PLCB4: variants seen among roughly 807,000 people sequenced by gnomAD.
The protein encoded by PLCB4 is phospholipase C beta 4, also known as 1-phosphatidylinositol 4,5-bisphosphate phosphodiesterase beta-4.
PLCB4 carries 77 observed loss-of-function variants against 178.8 expected under a neutral mutation model. The ratio of observed to expected loss-of-function variants is 0.43; its 90% confidence interval spans 0.36 to 0.52. The LOEUF (loss-of-function observed/expected upper bound fraction) is 0.52. PLCB4 is among the 20% of genes least tolerant of loss of function. The probability of loss-of-function intolerance (pLI) is 0.00; values close to 1 mark genes in which losing one functional copy is unlikely to be tolerated. For synonymous variants in PLCB4, 496 were observed against 490.8 expected, an observed-to-expected ratio of 1.01 and a Z score of -0.14; for missense variants, 1,024 against 1,453.4, an observed-to-expected ratio of 0.70 and a Z score of 4.80.
chr20:9,195,284 C>G (rs2093457684), intron 2 of PLCB4, among the ~76,000 whole-genome samples: 1 of 152,192 alleles, frequency 6.6e-6, no homozygotes, highest in African/African-American at 2.4e-5. Context: ...CAACAAGCAT[C>G]CAGATGATGC....
At chr20:9,194,713 A>T (rs903945356) in intron 2 of PLCB4, among the ~76,000 whole-genome samples, 81 of 150,644 alleles carry the variant, frequency 5.4e-4, no homozygotes, top group African/African-American at 1.7e-3. Flanking sequence ...AAAAAAAAAA[A>T]AAGAACCTTT....
chr20:9,341,794 T>C (rs1167912800), intron 7 of PLCB4, among the ~76,000 whole-genome samples: 2 of 152,124 alleles, frequency 1.3e-5, no homozygotes, highest in African/African-American at 4.8e-5. Context: ...TTGAAGGTTT[T>C]CTCCTAGTAT....
intron 28 of PLCB4, among the ~76,000 whole-genome samples, chr20:9,434,726 T>C (rs1026958407): frequency 4.7e-5 from 7 of 149,802 alleles, no homozygotes; most frequent in Non-Finnish European, 8.9e-5. Context: ...GAAAAAAAAA[T>C]TGAAACCTAG....
intron 2 of PLCB4, among the ~76,000 whole-genome samples, chr20:9,172,366 A>G (rs1306361315): frequency 6.6e-6 from 1 of 152,116 alleles, no homozygotes; most frequent in Non-Finnish European, 1.5e-5. Flanking sequence ...CATCCTACCT[A>G]TCCTTGAAAG....
intron 32 of PLCB4, among the ~76,000 whole-genome samples, chr20:9,449,367 T>A (rs6039473): frequency 0.22 from 33,088 of 151,676 alleles, 4,098 homozygotes; most frequent in East Asian, 0.36. Context: ...GCCTATGGGG[T>A]CCAAGCAGGA....
chr20:9,107,762 T>G (rs1224816129), intron 2 of PLCB4, among the ~76,000 whole-genome samples: 1 of 152,120 alleles, frequency 6.6e-6, no homozygotes, highest in African/African-American at 2.4e-5. Context: ...GGGATGTTAC[T>G]TTTGAGAAGA....
At chr20:9,108,638 C>CTT (rs908679641) in intron 2 of PLCB4, among the ~76,000 whole-genome samples, 1 of 141,450 alleles carries the variant, frequency 7.1e-6, no homozygotes, top group Non-Finnish European at 1.5e-5. Context: ...ACAAGATCTT[C>CTT]TTTTTTTTTT....
intron 3 of PLCB4, among the ~76,000 whole-genome samples, chr20:9,270,418 G>T (rs117004147): frequency 6.6e-6 from 1 of 152,100 alleles, no homozygotes; most frequent in African/African-American, 2.4e-5. Context: ...GAATGTCATG[G>T]AAAGGTAATC....
In PLCB4 at chr20:9,309,746, T is replaced by C. The variant is rs1020726653; in HGVS notation, c.84+1848T>C. Among the ~76,000 whole-genome samples, 4 of 152,230 alleles carry C rather than the reference T, an allele frequency of 2.6e-5. No homozygotes were observed. In the South Asian group the frequency reaches 6.2e-4, roughly 24 times the overall value. On this transcript the variant is annotated intron_variant, in intron 4 of 39. Transcript: ENST00000378473. ...AAGAAAAAGCTATTGGAGAAAAAAGTACTTGACAACAGTGAAATGTGATTT... is the reference window on the plus strand; with the variant it reads ...AAGAAAAAGCTATTGGAGAAAAAAGCACTTGACAACAGTGAAATGTGATTT...
At chr20:9,374,614 T>A (rs2036518214) in intron 12 of PLCB4, among the ~76,000 whole-genome samples, 1 of 152,152 alleles carries the variant, frequency 6.6e-6, no homozygotes, top group Non-Finnish European at 1.5e-5. Flanking sequence ...GCCTCTTGTG[T>A]TCTTTGGGAT....
intron 2 of PLCB4, among the ~76,000 whole-genome samples, chr20:9,108,441 C>T (rs1182940485): frequency 6.6e-6 from 1 of 151,940 alleles, no homozygotes; most frequent in African/African-American, 2.4e-5. Context: ...CTGAGTGTTT[C>T]AAGGAGGGAG....
chr20:9,172,618 TCGC>T (rs71967948), intron 2 of PLCB4, among the ~76,000 whole-genome samples: 30,134 of 152,090 alleles, frequency 0.2, 3,066 homozygotes, highest in African/African-American at 0.25. Flanking sequence ...GCATTTCCAT[TCGC>T]ATTTCCTTTT....
intron 3 of PLCB4, among the ~76,000 whole-genome samples, chr20:9,262,276 G>C (rs993263885): frequency 1.3e-5 from 2 of 152,132 alleles, no homozygotes; most frequent in African/African-American, 4.8e-5. Flanking sequence ...AGCTCAACAT[G>C]AGAGAATAGA....
chr20:9,293,692 G>A (rs1004554301), intron 3 of PLCB4, among the ~76,000 whole-genome samples: 9 of 152,048 alleles, frequency 5.9e-5, no homozygotes, highest in Admixed American at 2.0e-4. Context: ...TAGCAAGCAA[G>A]GCCCCAGCCT....
chr20:9,330,757 G>C (rs2031525979), intron 4 of PLCB4, among the ~76,000 whole-genome samples: 2 of 152,220 alleles, frequency 1.3e-5, no homozygotes, highest in African/African-American at 2.4e-5. Context: ...GGCTCATGGT[G>C]AACGTATTGG....
At chr20:9,197,981 T>TAA (rs1404156591) in intron 2 of PLCB4, among the ~76,000 whole-genome samples, 1 of 148,934 alleles carries the variant, frequency 6.7e-6, no homozygotes, top group Non-Finnish European at 1.5e-5. Flanking sequence ...ATCTCAAAAA[T>TAA]AAAAAAATAA....
chr20:9,109,183 T>C (rs890633398), intron 2 of PLCB4, among the ~76,000 whole-genome samples: 1 of 152,192 alleles, frequency 6.6e-6, no homozygotes, highest in Non-Finnish European at 1.5e-5. Context: ...GTCTAAAGTA[T>C]TGAACATTTA....
chr20:9,151,197 T>TTATA (rs1173550007), intron 2 of PLCB4, among the ~76,000 whole-genome samples: 1 of 152,140 alleles, frequency 6.6e-6, no homozygotes, highest in Non-Finnish European at 1.5e-5. Context: ...GTATTGGGTA[T>TTATA]TATAAGTACT....
intron 2 of PLCB4, among the ~76,000 whole-genome samples, chr20:9,203,475 C>G (rs564355445): frequency 1.5e-3 from 221 of 152,270 alleles, no homozygotes; most frequent in Non-Finnish European, 2.4e-3. Context: ...GTTTCCTATG[C>G]TACTATTCTT....
Sources: allele counts gnomAD v4.1 joint callset (sites outside exome capture counted in the v4.1 genomes callset), GRCh38; gene constraint gnomAD v4.1.1; transcripts MANE v1.5; gene names NCBI Gene and HGNC (gene_info 2026-07-23, HGNC 2026-07-21).